The following MDGA2 variants were observed in gnomAD, a reference collection of about 807,000 sequenced individuals.
MDGA2 encodes the protein MAM domain containing glycosylphosphatidylinositol anchor 2, also known as MAM domain-containing glycosylphosphatidylinositol anchor protein 2.
A neutral mutation model predicts 117.8 loss-of-function variants in MDGA2; 40 were observed. The ratio of observed to expected loss-of-function variants is 0.34; its 90% confidence interval spans 0.26 to 0.44. The LOEUF is 0.44. MDGA2 is among the 20% of genes least tolerant of loss of function. The pLI is 1.00. For synonymous variants in MDGA2, 452 were observed against 439.0 expected, an observed-to-expected ratio of 1.03 and a Z score of -0.37; for missense variants, 1,123 against 1,250.6, an observed-to-expected ratio of 0.90 and a Z score of 1.54.
At chr14:47,035,355 C>A in intron 7 of MDGA2, 51 bp from the exon 8 acceptor site, 1 of 1,409,986 alleles carries the variant, frequency 7.1e-7, no homozygotes, top group South Asian at 1.3e-5. Flanking sequence ...ACTGGTAAAG[C>A]ATATTCAGAT....
chr14:47,350,647 C>T (rs1297843575), intron 1 of MDGA2, among the ~76,000 whole-genome samples: 1 of 152,268 alleles, frequency 6.6e-6, no homozygotes, highest in East Asian at 1.9e-4. Context: ...CAAAAAACTT[C>T]TGAAATAATT....
chr14:47,192,003 A>C (rs1038052523), intron 3 of MDGA2, among the ~76,000 whole-genome samples: 1 of 152,174 alleles, frequency 6.6e-6, no homozygotes, highest in African/African-American at 2.4e-5. Context: ...TGGAGAAAAC[A>C]ACCACCCCAG....
chr14:46,943,121 G>C (rs998074250), intron 9 of MDGA2, among the ~76,000 whole-genome samples: 1 of 151,974 alleles, frequency 6.6e-6, no homozygotes, highest in African/African-American at 2.4e-5. Flanking sequence ...ATAAATTCCT[G>C]TTGTAGTATT....
At chr14:47,448,861 T>C (rs1279616773) in intron 1 of MDGA2, among the ~76,000 whole-genome samples, 1 of 152,134 alleles carries the variant, frequency 6.6e-6, no homozygotes, top group African/African-American at 2.4e-5. Context: ...GCTTGCAGGA[T>C]CTGATACTAA....
intron 5 of MDGA2, among the ~76,000 whole-genome samples, chr14:47,131,381 T>A (rs778090627): frequency 4.6e-5 from 7 of 152,040 alleles, no homozygotes; most frequent in Admixed American, 3.9e-4. Flanking sequence ...ATTTAGCAAC[T>A]TCAATCACGA....
At chr14:46,933,950 C>G (rs1884685491) in intron 9 of MDGA2, among the ~76,000 whole-genome samples, 1 of 150,220 alleles carries the variant, frequency 6.7e-6, no homozygotes, top group Non-Finnish European at 1.5e-5. Flanking sequence ...CCTGGATACA[C>G]TTTGCAAAAA....
chr14:46,985,930 T>G (rs1886842547), intron 8 of MDGA2, among the ~76,000 whole-genome samples: 1 of 152,070 alleles, frequency 6.6e-6, no homozygotes, highest in African/African-American at 2.4e-5. Flanking sequence ...AGTCATTTTT[T>G]TTCTAGGAAA....
chr14:47,228,347 T>TA (rs1217886907), intron 2 of MDGA2, among the ~76,000 whole-genome samples: 2 of 152,194 alleles, frequency 1.3e-5, no homozygotes, highest in Non-Finnish European at 2.9e-5. Context: ...TTGTTTCACT[T>TA]ACGATTTGTT....
chr14:47,137,202 A>G (rs1882498691), intron 4 of MDGA2, among the ~76,000 whole-genome samples: 1 of 152,200 alleles, frequency 6.6e-6, no homozygotes, highest in Non-Finnish European at 1.5e-5. Flanking sequence ...GATGATTTCT[A>G]TTCTTTAAAG....
chr14:46,982,957 T>G (rs1886737767), intron 8 of MDGA2, among the ~76,000 whole-genome samples: 2 of 152,042 alleles, frequency 1.3e-5, no homozygotes, highest in African/African-American at 2.4e-5. Flanking sequence ...TGTAGATAGC[T>G]CTTATTATTT....
rs779241827 is a variant in MDGA2, at chr14:47,217,997, T to C, written c.595+24A>G. ...AAGAAATCCATAATAGGCTTAATTA[T>C]AGTTTTCTGGAAAATTTACTTACAG... On this transcript the variant is annotated intron_variant, in intron 3 of 16. Coordinates refer to ENST00000399232, the MANE Select transcript of MDGA2 (RefSeq NM_001113498.3). The C allele has an allele frequency of 8.9e-5, 133 of 1,489,926 alleles. 1 individual carries two copies. Among genetic ancestry groups the C allele is most frequent in the African/African-American group, 4.1e-4 (29 of 70,528 alleles). 92.3% of individuals were successfully genotyped at this position (1,489,926 alleles called of 1,614,324 possible).
At chr14:47,549,295 A>C (rs948084692) in intron 1 of MDGA2, among the ~76,000 whole-genome samples, 1 of 151,850 alleles carries the variant, frequency 6.6e-6, no homozygotes, top group Non-Finnish European at 1.5e-5. Context: ...TTTTTGAGTT[A>C]CTTCTAGAAT....
intron 1 of MDGA2, among the ~76,000 whole-genome samples, chr14:47,534,778 G>T (rs535854360): frequency 5.3e-5 from 8 of 152,306 alleles, no homozygotes; most frequent in African/African-American, 1.4e-4. Context: ...ACCAATAGCA[G>T]AAAAGGTAGA....
intron 14 of MDGA2, among the ~76,000 whole-genome samples, chr14:46,872,901 A>G (rs1330284599): frequency 6.6e-6 from 1 of 151,848 alleles, no homozygotes; most frequent in African/African-American, 2.4e-5. Context: ...CAAGGTCTCA[A>G]GGGAAGGAAA....
intron 1 of MDGA2, among the ~76,000 whole-genome samples, chr14:47,317,716 T>A (rs920314702): frequency 6.6e-6 from 1 of 152,084 alleles, no homozygotes; most frequent in Non-Finnish European, 1.5e-5. Flanking sequence ...ACTGTCCCTA[T>A]GCTGCTCTAG....
chr14:47,284,181 TAA>T (rs1888593573), intron 2 of MDGA2, among the ~76,000 whole-genome samples: 1 of 152,160 alleles, frequency 6.6e-6, no homozygotes, highest in African/African-American at 2.4e-5. Context: ...CCAAATAACT[TAA>T]AAGAGACTAT....
intron 4 of MDGA2, among the ~76,000 whole-genome samples, chr14:47,138,186 C>T (rs1449189421): frequency 1.3e-5 from 2 of 152,022 alleles, no homozygotes; most frequent in African/African-American, 4.8e-5. Context: ...TTAGGCTTTA[C>T]TATTTATAAC....
At chr14:47,299,679 T>A (rs1489201941) in intron 2 of MDGA2, 1 of 152,206 alleles carries the variant, frequency 6.6e-6, no homozygotes, top group African/African-American at 2.4e-5. Flanking sequence ...GTATAAATTT[T>A]AAAATGAAAA....
At chr14:47,628,047 A>G (rs1262147030) in intron 1 of MDGA2, among the ~76,000 whole-genome samples, 2 of 152,130 alleles carry the variant, frequency 1.3e-5, no homozygotes, top group Non-Finnish European at 2.9e-5. Context: ...CACCTGCCAT[A>G]GTTTTGGGGT....
Sources: gnomAD v4.1 joint callset for allele counts (sites outside exome capture counted in the v4.1 genomes callset) on GRCh38, gnomAD v4.1.1 for gene constraint, MANE v1.5 for transcripts, NCBI Gene and HGNC (gene_info 2026-07-23, HGNC 2026-07-21) for gene names.